The following LILRB1 variants were observed in gnomAD, a reference collection of about 807,000 sequenced individuals.
LILRB1 encodes the protein leukocyte immunoglobulin like receptor B1.
In LILRB1, 59 loss-of-function variants were observed where a neutral mutation model predicts 74.6. The ratio of observed to expected loss-of-function variants is 0.79; its 90% CI spans 0.64 to 0.98. The LOEUF is 0.98. Ranked by LOEUF, LILRB1 falls within the 50% of genes least tolerant of loss-of-function variation. The probability of loss-of-function intolerance (pLI) is 0.00; values close to 1 mark genes in which losing one functional copy is unlikely to be tolerated. For missense variants in LILRB1, 804 were observed against 822.6 expected (o/e 0.98, Z 0.28); for synonymous variants, 328 against 333.9 (o/e 0.98, Z 0.19).
chr19:54,620,149 A>T (rs2063417609), intron 1 of LILRB1, among the ~76,000 whole-genome samples: 1 of 152,184 alleles, frequency 6.6e-6, no homozygotes, highest in African/African-American at 2.4e-5. Flanking sequence ...AATAAAAAGA[A>T]CAATTTAGCC....
intron 6 of LILRB1, 56 bp downstream of exon 6, chr19:54,632,816 G>T: frequency 6.2e-7 from 1 of 1,604,308 alleles, no homozygotes; most frequent in Non-Finnish European, 8.5e-7. Flanking sequence ...GCCCTGCCGG[G>T]GGAGCTCAGG....
rs375175422 is a variant in LILRB1 at position 54,634,371 on chromosome 19, G to A, written c.1364-270G>A. On this transcript the variant is annotated intron_variant, in intron 9 of 14. Transcript: ENST00000324602. ...CAGGCTCTTTCCCTGCAGCTCCGGG[G>A]CTCGGCTCTGGTGCAGGAACAAGGG... 2,494 of 1,536,556 alleles carry A rather than the reference G, an allele frequency of 1.6e-3. 46 individuals are homozygous for A. In the South Asian group the frequency reaches 0.028, roughly 17 times the overall value.
intron 2 of LILRB1, 73 bp downstream of exon 2, chr19:54,631,180 A>G (rs1400351264): frequency 6.2e-7 from 1 of 1,613,812 alleles, no homozygotes; most frequent in East Asian, 2.2e-5. Context: ...CTTGTCCCTA[A>G]GGAGACCCCA....
intron 7 of LILRB1, 89 bp from the exon 8 acceptor site, chr19:54,633,549 G>A: frequency 7.6e-7 from 1 of 1,316,592 alleles, no homozygotes. Context: ...GCCTGGGGAG[G>A]CCACAGGTCC....
Position 54,633,136 on chromosome 19 carries a change from A to G in LILRB1, c.1079A>G (p.Glu360Gly). The change falls in exon 7 of 15, where the codon GAG becomes GGG. Residue 360 changes from glutamate (E) to glycine (G), a missense_variant. Transcript: ENST00000324602. ...GWMQTFLLTKEGAADDPWRLR... is the reference protein window; with the variant it reads ...GWMQTFLLTKGGAADDPWRLR... The stretch of plus-strand genomic sequence containing the variant: ...ATGCAAACTTTCCTTCTGACCAAGG[A>G]GGGGGCAGCTGATGACCCATGGCGT... The G allele has an allele frequency of 6.2e-7, 1 of 1,614,280 alleles. No individual in the cohort carries two copies. Among genetic ancestry groups the G allele is most frequent in the East Asian group, 2.2e-5 (1 of 44,882 alleles).
chr19:54,628,394 A>G (rs1167085384), upstream of LILRB1, among the ~76,000 whole-genome samples: 4 of 152,142 alleles, frequency 2.6e-5, no homozygotes, highest in Admixed American at 6.6e-5. Flanking sequence ...CCCAGATCCC[A>G]CAGATTGAAT....
chr19:54,635,229 C>T, intron 11 of LILRB1, 30 bp from the exon 12 acceptor site: 1 of 1,612,218 alleles, frequency 6.2e-7, no homozygotes, highest in South Asian at 1.1e-5. Flanking sequence ...GGCCCATACA[C>T]TGCCCCTAAA....
upstream of LILRB1, among the ~76,000 whole-genome samples, chr19:54,627,729 C>T (rs1345266456): frequency 1.3e-5 from 2 of 151,956 alleles, no homozygotes; most frequent in African/African-American, 2.4e-5. Context: ...ACTTCCTTTA[C>T]TTCTGTATGT....
upstream of LILRB1, among the ~76,000 whole-genome samples, chr19:54,616,640 T>C (rs867880459): frequency 6.6e-6 from 1 of 152,140 alleles, no homozygotes; most frequent in Non-Finnish European, 1.5e-5. Context: ...TTCTAGGAAG[T>C]TGTTGTTTAA....
upstream of LILRB1, among the ~76,000 whole-genome samples, chr19:54,629,514 A>G (rs2781754): frequency 6.6e-6 from 1 of 152,142 alleles, no homozygotes; most frequent in Non-Finnish European, 1.5e-5. Context: ...CTAATAAATG[A>G]TCTATGAACA....
rs760859023 is a variant in LILRB1 at position 54,636,701 on chromosome 19, G to A, written c.1813-31G>A. On this transcript the variant is annotated intron_variant, in intron 14 of 14. Transcript: ENST00000324602. ...CCCAGGCCTCCCCCACCCCCACCAC[G>A]TTCCTTCCCTCTCACTCTCCCCCGC... The A allele has an allele frequency of 9.1e-5, 105 of 1,154,538 alleles. 1 individual carries two copies. Among genetic ancestry groups the A allele is most frequent in the East Asian group, 1.4e-4 (3 of 22,194 alleles). 71.5% of individuals were successfully genotyped at this position (1,154,538 alleles called of 1,614,324 possible).
rs772501674 is a variant in LILRB1 at position 54,633,999 on chromosome 19, C to T, written c.1341C>T (p.Pro447=). 24 of 1,598,652 alleles carry T rather than the reference C, an allele frequency of 1.5e-5. No homozygotes were observed. The East Asian group carries it at 1.6e-4, about 10-fold the overall frequency. ...SAGPEDQPLT[P]TGSDPQSGLG... ...GCCCTGAGGACCAGCCCCTCACCCC[C>T]ACCGGGTCGGATCCCCAGAGTGGTG... Residue 447 remains proline, a synonymous_variant, in exon 9 of 15, where the codon CCC becomes CCT. Transcript: ENST00000324602.
rs771021905 is a variant in LILRB1, at chr19:54,633,661, C to G, written c.1285C>G (p.Pro429Ala). 7 of 1,613,652 alleles carry G rather than the reference C, an allele frequency of 4.3e-6. No individual in the cohort carries two copies. The South Asian group carries it at 7.7e-5, about 18-fold the overall frequency. ...VSGPSGGPSS[P>A]TTGPTSTSAG... ...AGGACCGTCTGGGGGCCCCAGCTCC[C>G]CGACAACAGGCCCCACCTCCACATC... Residue 429 changes from proline to alanine, a missense_variant, in exon 8 of 15, where the codon CCG (proline) becomes GCG (alanine). Pro to Ala is a conservative substitution (Grantham distance 27). Coordinates refer to ENST00000324602, the MANE Select transcript of LILRB1 (RefSeq NM_001081637.3).
Position 54,632,642 on chromosome 19 carries a change from C to T in LILRB1, c.840C>T (p.Ala280=). 1 of 1,613,994 alleles carries T rather than the reference C, an allele frequency of 6.2e-7. No individual in the cohort carries two copies. Among genetic ancestry groups the T allele is most frequent in the Non-Finnish European group, 8.5e-7 (1 of 1,180,008 alleles). Residue 280 remains alanine, a synonymous_variant, in exon 6 of 15, where the codon GCC becomes GCT. Coordinates refer to ENST00000324602, the MANE Select transcript of LILRB1 (RefSeq NM_001081637.3). ...AGCCCCAGGCTGGGCTCTCCCAGGCCAACTTCACCCTGGGCCCTGTGAGCC... is the reference window on the plus strand; with the variant it reads ...AGCCCCAGGCTGGGCTCTCCCAGGCTAACTTCACCCTGGGCCCTGTGAGCC... The part of the protein sequence containing the change: ...GAQPQAGLSQ[A]NFTLGPVSRS...
In LILRB1 at chr19:54,632,716, C is replaced by G; in HGVS notation, c.914C>G (p.Ser305Cys). 6.2e-7 allele frequency: 1 copy of G among 1,612,526 alleles called. No individual in the cohort carries two copies. Among genetic ancestry groups the G allele is most frequent in the Non-Finnish European group, 8.5e-7 (1 of 1,179,936 alleles). Reference sequence around the variant, plus strand: ...TGCTACGGTGCACACAACCTCTCCTCCGAGTGGTCGGCCCCCAGCGACCCC... The same window carrying G: ...TGCTACGGTGCACACAACCTCTCCTGCGAGTGGTCGGCCCCCAGCGACCCC... ...YRCYGAHNLS[S>C]EWSAPSDPLD... Residue 305 changes from serine to cysteine, a missense_variant, in exon 6 of 15, where the codon TCC becomes TGC. Physicochemically the swap from Ser to Cys is moderately radical, Grantham distance 112. Transcript: ENST00000324602.
At chr19:54,624,520 G>A (rs1481949564) in intron 1 of LILRB1, among the ~76,000 whole-genome samples, 3 of 152,222 alleles carry the variant, frequency 2.0e-5, no homozygotes, top group East Asian at 1.9e-4. Context: ...CATGTAGGTG[G>A]GATGTGGGGC....
Position 54,632,489 on chromosome 19 carries a change from A to C in LILRB1, c.687A>C (p.Ser229=). 1 of 1,610,338 alleles carries C rather than the reference A, an allele frequency of 6.2e-7. No homozygotes were observed. Among genetic ancestry groups the C allele is most frequent in the Non-Finnish European group, 8.5e-7 (1 of 1,177,398 alleles). Residue 229 remains serine, a synonymous_variant, in exon 6 of 15, where the codon TCA becomes TCC. Coordinates refer to ENST00000324602, the MANE Select transcript of LILRB1 (RefSeq NM_001081637.3). Reference sequence around the variant, plus strand: ...GTGTTTCTAAGAAGCCATCACTCTCAGTGCAGCCAGGTCCTATCGTGGCCC... The same window carrying C: ...GTGTTTCTAAGAAGCCATCACTCTCCGTGCAGCCAGGTCCTATCGTGGCCC... ...VLGVSKKPSL[S]VQPGPIVAPE...
rs139167894 is a variant in LILRB1, at chr19:54,621,799, T to G, written c.-166+4450T>G. On this transcript the variant is annotated intron_variant, in intron 1 of 15. Coordinates refer to the LILRB1 transcript ENST00000396331. ...AGAAGGGTTTTTCCTAAATTTTGCTTTAGGAATTACATAGTTTCAGGTCTC... is the reference window on the plus strand; with the variant it reads ...AGAAGGGTTTTTCCTAAATTTTGCTGTAGGAATTACATAGTTTCAGGTCTC... Among the ~76,000 whole-genome samples, 796 of 152,294 alleles carry G rather than the reference T, an allele frequency of 5.2e-3. 7 individuals carry two copies. Among genetic ancestry groups the G allele is most frequent in the African/African-American group, 0.018 (734 of 41,552 alleles).
chr19:54,634,667 A>G lies in LILRB1; in HGVS notation c.1390A>G (p.Ile464Val). 6.2e-7 allele frequency: 1 copy of G among 1,613,534 alleles called. No individual in the cohort carries two copies. Among genetic ancestry groups the G allele is most frequent in the Non-Finnish European group, 8.5e-7 (1 of 1,179,788 alleles). ...TCTGGGAAGGCACCTGGGGGTTGTG[A>G]TCGGCATCTTGGTGGCCGTCATCCT... ...SGLGRHLGVV[I>V]GILVAVILLL... The change falls in exon 10 of 15, where the codon ATC (isoleucine) becomes GTC (valine). Residue 464 changes from isoleucine to valine, a missense_variant. Coordinates refer to ENST00000324602, the MANE Select transcript of LILRB1 (RefSeq NM_001081637.3).
Sources: gnomAD v4.1 joint callset for allele counts (sites outside exome capture counted in the v4.1 genomes callset) on GRCh38, gnomAD v4.1.1 for gene constraint, MANE v1.5 for transcripts, NCBI Gene and HGNC (gene_info 2026-07-23, HGNC 2026-07-21) for gene names.